Variants in DPP10 observed in about 807,000 individuals in gnomAD.
DPP10 encodes the protein dipeptidyl peptidase like 10, also known as inactive dipeptidyl peptidase 10.
A neutral mutation model predicts 120.9 loss-of-function variants in DPP10; 33 were observed. The ratio of observed to expected loss-of-function variants is 0.27; its 90% confidence interval spans 0.21 to 0.37. The LOEUF (loss-of-function observed/expected upper bound fraction) is 0.37, where lower values mean the gene tolerates loss of function less well. Ranked by LOEUF, DPP10 falls within the 10% of genes least tolerant of loss-of-function variation. The pLI is 1.00. For synonymous variants in DPP10, 337 were observed against 326.1 expected (o/e 1.03, Z -0.36); for missense variants, 816 against 942.8 (o/e 0.87, Z 1.76).
intron 5 of DPP10, among the ~76,000 whole-genome samples, chr2:115,569,511 C>T (rs924596400): frequency 6.6e-6 from 1 of 152,148 alleles, no homozygotes; most frequent in African/African-American, 2.4e-5. Flanking sequence ...AGAATTAATA[C>T]AGAATTCATT....
At chr2:114,445,954 C>T (rs779677570) in intron 1 of DPP10, among the ~76,000 whole-genome samples, 8 of 152,074 alleles carry the variant, frequency 5.3e-5, no homozygotes, top group Admixed American at 4.6e-4. Flanking sequence ...CATTTCAGAG[C>T]TTGTAAGGGA....
intron 1 of DPP10, among the ~76,000 whole-genome samples, chr2:114,698,732 G>A (rs547463131): frequency 6.6e-6 from 1 of 152,026 alleles, no homozygotes; most frequent in South Asian, 2.1e-4. Flanking sequence ...CTCATGGTGT[G>A]AATAAATTCC....
At chr2:115,003,132 CTAGA>C (rs1407259798) in intron 1 of DPP10, among the ~76,000 whole-genome samples, 1 of 143,280 alleles carries the variant, frequency 7.0e-6, no homozygotes, top group African/African-American at 2.6e-5. Flanking sequence ...CAACAGTAGA[CTAGA>C]TAAAGAAAAT....
chr2:114,465,058 C>T (rs1490848866), intron 1 of DPP10, among the ~76,000 whole-genome samples: 31 of 152,136 alleles, frequency 2.0e-4, no homozygotes, highest in Non-Finnish European at 7.3e-5. Flanking sequence ...TGGAGGGGAA[C>T]TATTGCGTTC....
At chr2:115,169,398 AAT>A (rs1001457027) in intron 1 of DPP10, among the ~76,000 whole-genome samples, 7 of 152,136 alleles carry the variant, frequency 4.6e-5, no homozygotes, top group African/African-American at 1.7e-4. Context: ...GAAAATGCTG[AAT>A]ATGTGTGTGT....
rs10168041 is a variant in DPP10, at chr2:114,879,723, G to T, written c.61-429516G>T. Among the ~76,000 whole-genome samples the T allele has an allele frequency of 9.1e-3, 1,383 of 152,190 alleles. 19 individuals carry two copies. The highest frequency in any genetic ancestry group is 0.032 in the African/African-American group (1,308 of 41,512). On this transcript the variant is annotated intron_variant, in intron 1 of 25. Coordinates refer to ENST00000410059, the MANE Select transcript of DPP10 (RefSeq NM_020868.6). Reference sequence around the variant, plus strand: ...AAGAAAAAAAACAGAAAATGTGATTGAGAATTGATTTAAGAGGGTGACAAA... The same window carrying T: ...AAGAAAAAAAACAGAAAATGTGATTTAGAATTGATTTAAGAGGGTGACAAA...
intron 5 of DPP10, among the ~76,000 whole-genome samples, chr2:115,636,845 C>T (rs1328617640): frequency 6.6e-6 from 1 of 152,020 alleles, no homozygotes; most frequent in Non-Finnish European, 1.5e-5. Context: ...CTGCTCACAT[C>T]CCTTATCATA....
At chr2:115,812,263 G>A (rs923194523) in intron 19 of DPP10, among the ~76,000 whole-genome samples, 1 of 152,112 alleles carries the variant, frequency 6.6e-6, no homozygotes, top group African/African-American at 2.4e-5. Flanking sequence ...AAATCCACAA[G>A]CTTCAAAATG....
chr2:115,462,376 T>G (rs1213459472), intron 3 of DPP10, among the ~76,000 whole-genome samples: 1 of 152,198 alleles, frequency 6.6e-6, no homozygotes, highest in African/African-American at 2.4e-5. Flanking sequence ...TTAATACTTC[T>G]GCAGCAGCAA....
chr2:115,755,648 G>C (rs982273640), intron 11 of DPP10, among the ~76,000 whole-genome samples: 1 of 151,960 alleles, frequency 6.6e-6, no homozygotes, highest in Non-Finnish European at 1.5e-5. Flanking sequence ...ACAACAAAAA[G>C]AAATGTAAAT....
chr2:115,345,035 G>A (rs11896853), intron 3 of DPP10, among the ~76,000 whole-genome samples: 106,485 of 152,084 alleles, frequency 0.7, 37,705 homozygotes, highest in Admixed American at 0.76. Context: ...GCCAAATCAC[G>A]TGTGTTTACT....
intron 3 of DPP10, among the ~76,000 whole-genome samples, chr2:115,459,251 T>C (rs843420): frequency 0.83 from 125,702 of 151,874 alleles, 55,077 homozygotes; most frequent in Non-Finnish European, 0.97. Context: ...CCACCTCCCT[T>C]GTTCAAGTGA....
intron 3 of DPP10, among the ~76,000 whole-genome samples, chr2:115,488,249 C>T (rs182081073): frequency 4.0e-4 from 16 of 39,730 alleles, no homozygotes; most frequent in Admixed American, 4.7e-4. Context: ...GGAGAGGATG[C>T]GGAGAAATAG....
intron 5 of DPP10, among the ~76,000 whole-genome samples, chr2:115,656,381 T>C (rs1360377029): frequency 2.6e-5 from 4 of 151,640 alleles, no homozygotes; most frequent in Non-Finnish European, 5.9e-5. Flanking sequence ...AAATTGGTGC[T>C]AATTTTTTTT....
At chr2:114,598,009 T>G (rs1204017020) in intron 1 of DPP10, among the ~76,000 whole-genome samples, 1 of 151,958 alleles carries the variant, frequency 6.6e-6, no homozygotes, top group Non-Finnish European at 1.5e-5. Flanking sequence ...AAGGGAGACA[T>G]GTTCTGTTGC....
chr2:115,174,711 T>A (rs1281046392), intron 1 of DPP10, among the ~76,000 whole-genome samples: 2 of 152,162 alleles, frequency 1.3e-5, no homozygotes, highest in Non-Finnish European at 2.9e-5. Flanking sequence ...CTCGAATTGT[T>A]TTCTTAACAT....
intron 1 of DPP10, among the ~76,000 whole-genome samples, chr2:114,874,375 A>G (rs1328741055): frequency 6.6e-6 from 1 of 152,146 alleles, no homozygotes; most frequent in Non-Finnish European, 1.5e-5. Context: ...TAGGTGTGAC[A>G]AAAGCATCCA....
intron 5 of DPP10, among the ~76,000 whole-genome samples, chr2:115,613,961 G>A (rs2084301124): frequency 6.6e-6 from 1 of 152,162 alleles, no homozygotes; most frequent in African/African-American, 2.4e-5. Context: ...AGGGAAAATA[G>A]TATACTCAGT....
chr2:114,876,104 G>C (rs904379248), intron 1 of DPP10, among the ~76,000 whole-genome samples: 8 of 151,968 alleles, frequency 5.3e-5, no homozygotes, highest in African/African-American at 1.9e-4. Context: ...AAATATGAAT[G>C]ATATAAAATA....
Sources: gnomAD v4.1 joint callset for allele counts (sites outside exome capture counted in the v4.1 genomes callset) on GRCh38, gnomAD v4.1.1 for gene constraint, MANE v1.5 for transcripts, NCBI Gene and HGNC (gene_info 2026-07-23, HGNC 2026-07-21) for gene names.